Variants in CARMIL1 observed in about 807,000 individuals in gnomAD.
CARMIL1 encodes the protein F-actin-uncapping protein LRRC16A.
A neutral mutation model predicts 177.1 loss-of-function variants in CARMIL1; 90 were observed. The ratio of observed to expected loss-of-function variants is 0.51; its 90% CI spans 0.43 to 0.61. The LOEUF (loss-of-function observed/expected upper bound fraction) is 0.61. CARMIL1 is among the 20% of genes least tolerant of loss of function. CARMIL1 has a pLI of 0.00. For missense variants in CARMIL1, 1,380 were observed against 1,667.0 expected (o/e 0.83, Z 3.00); for synonymous variants, 577 against 606.2 (o/e 0.95, Z 0.71).
At chr6:25,427,508 C>G (rs1796377329) in intron 4 of CARMIL1, among the ~76,000 whole-genome samples, 2 of 152,270 alleles carry the variant, frequency 1.3e-5, no homozygotes, top group East Asian at 3.9e-4. Flanking sequence ...ATGAATAAAG[C>G]TGCTATGAAT....
chr6:25,598,983 T>C (rs1159747633), intron 32 of CARMIL1, among the ~76,000 whole-genome samples: 1 of 152,256 alleles, frequency 6.6e-6, no homozygotes, highest in African/African-American at 2.4e-5. Flanking sequence ...ATGTCACTGC[T>C]CACTGTGCAG....
chr6:25,603,895 C>T (rs1815671163), intron 33 of CARMIL1, among the ~76,000 whole-genome samples: 1 of 152,110 alleles, frequency 6.6e-6, no homozygotes, highest in Non-Finnish European at 1.5e-5. Flanking sequence ...TCACTAATTC[C>T]TCCCACCTGC....
At chr6:25,550,264 T>A (rs1809951465) in intron 26 of CARMIL1, among the ~76,000 whole-genome samples, 1 of 152,236 alleles carries the variant, frequency 6.6e-6, no homozygotes, top group Non-Finnish European at 1.5e-5. Context: ...GCTATATGAA[T>A]GTCTTTTGAG....
At chr6:25,310,766 A>G (rs1783748534) in intron 2 of CARMIL1, among the ~76,000 whole-genome samples, 1 of 152,174 alleles carries the variant, frequency 6.6e-6, no homozygotes, top group Admixed American at 6.5e-5. Flanking sequence ...TACACTTTTA[A>G]AATGATTCAT....
chr6:25,539,954 C>T lies in CARMIL1; in HGVS notation c.2204C>T (p.Pro735Leu). Residue 735 changes from proline to leucine, a missense_variant, in exon 26 of 37, where the codon CCA (proline) becomes CTA (leucine). Transcript: ENST00000329474. Reference sequence around the variant, plus strand: ...TTTTTATTTCTCTTACAGTTGTTACCAAATTTATACCATGTTGGTGGTGCA... The same window carrying T: ...TTTTTATTTCTCTTACAGTTGTTACTAAATTTATACCATGTTGGTGGTGCA... ...RDAKNSKTLL[P>L]NLYHVGGASW... The T allele has an allele frequency of 1.3e-6, 2 of 1,575,356 alleles. No homozygotes were observed. Among genetic ancestry groups the T allele is most frequent in the Non-Finnish European group, 8.6e-7 (1 of 1,165,752 alleles).
intron 18 of CARMIL1, among the ~76,000 whole-genome samples, chr6:25,510,208 G>A (rs1234869819): frequency 6.6e-6 from 1 of 152,140 alleles, no homozygotes; most frequent in Non-Finnish European, 1.5e-5. Context: ...ACAGAGTGGT[G>A]GGGAGAGATG....
intron 29 of CARMIL1, among the ~76,000 whole-genome samples, chr6:25,560,770 T>G (rs889373333): frequency 6.6e-6 from 1 of 152,222 alleles, no homozygotes; most frequent in African/African-American, 2.4e-5. Context: ...TATACCACAT[T>G]GATTTCTGTA....
At chr6:25,323,908 G>A (rs1313912949) in intron 2 of CARMIL1, among the ~76,000 whole-genome samples, 1 of 152,158 alleles carries the variant, frequency 6.6e-6, no homozygotes, top group Non-Finnish European at 1.5e-5. Flanking sequence ...AGGATTTAGG[G>A]TGTTTTGATT....
chr6:25,414,122 A>C (rs924104306), intron 2 of CARMIL1, among the ~76,000 whole-genome samples: 3 of 152,206 alleles, frequency 2.0e-5, no homozygotes, highest in African/African-American at 7.2e-5. Flanking sequence ...ACAGTCCTGC[A>C]GAGGAATATT....
At chr6:25,365,793 C>T (rs925480829) in intron 2 of CARMIL1, among the ~76,000 whole-genome samples, 5 of 152,216 alleles carry the variant, frequency 3.3e-5, no homozygotes, top group South Asian at 4.2e-4. Context: ...TCAAGCGATC[C>T]GCCTGTTTTG....
intron 29 of CARMIL1, among the ~76,000 whole-genome samples, chr6:25,565,317 C>G (rs1353148166): frequency 6.6e-6 from 1 of 152,152 alleles, no homozygotes. Context: ...TAGGTTTTTG[C>G]AGAAACAGTG....
intron 12 of CARMIL1, among the ~76,000 whole-genome samples, chr6:25,486,928 G>T (rs1802715711): frequency 6.6e-6 from 1 of 151,874 alleles, no homozygotes; most frequent in Admixed American, 6.6e-5. Context: ...TTCCCTAATG[G>T]TCTTTGCAAT....
intron 2 of CARMIL1, among the ~76,000 whole-genome samples, chr6:25,300,571 C>T (rs925781823): frequency 4.6e-5 from 7 of 152,132 alleles, no homozygotes; most frequent in African/African-American, 1.7e-4. Flanking sequence ...GTCACTTGAA[C>T]TCGGGAGGTA....
At chr6:25,500,808 C>T (rs374905906) in intron 17 of CARMIL1, among the ~76,000 whole-genome samples, 83 of 151,718 alleles carry the variant, frequency 5.5e-4, no homozygotes, top group African/African-American at 1.9e-3. Flanking sequence ...TGTTTTGTCG[C>T]CCAGGCTGGA....
At chr6:25,527,732 A>T in intron 23 of CARMIL1, 1 of 437,344 alleles carries the variant, frequency 2.3e-6, no homozygotes, top group Non-Finnish European at 4.5e-6. Flanking sequence ...ATGGAAAGGT[A>T]CATTTTGTTC....
chr6:25,375,344 C>T (rs771027603), intron 2 of CARMIL1, among the ~76,000 whole-genome samples: 6 of 152,180 alleles, frequency 3.9e-5, no homozygotes, highest in South Asian at 2.1e-4. Flanking sequence ...AAGGTTTCTG[C>T]GGAGAAGTCT....
intron 4 of CARMIL1, among the ~76,000 whole-genome samples, chr6:25,433,961 AT>A (rs1206226381): frequency 1.3e-5 from 2 of 152,226 alleles, no homozygotes; most frequent in Non-Finnish European, 2.9e-5. Flanking sequence ...ATTGCACATT[AT>A]AAAGTGTTCT....
chr6:25,531,057 G>C (rs1807720507), intron 24 of CARMIL1, among the ~76,000 whole-genome samples: 1 of 152,180 alleles, frequency 6.6e-6, no homozygotes, highest in Admixed American at 6.5e-5. Context: ...GAATGGTAGT[G>C]TAAGTATGCT....
At chr6:25,598,961 A>G (rs1815121064) in intron 32 of CARMIL1, among the ~76,000 whole-genome samples, 1 of 152,148 alleles carries the variant, frequency 6.6e-6, no homozygotes, top group Non-Finnish European at 1.5e-5. Context: ...AGAGGGAGAA[A>G]AAGTCCCGGG....
Sources: allele counts gnomAD v4.1 joint callset (sites outside exome capture counted in the v4.1 genomes callset), GRCh38; gene constraint gnomAD v4.1.1; transcripts MANE v1.5; gene names NCBI Gene and HGNC (gene_info 2026-07-23, HGNC 2026-07-21).